Variants in GABBR2 observed in about 807,000 individuals in gnomAD.
The protein encoded by GABBR2 is G-protein coupled receptor 51.
Under a neutral mutation model 105.6 loss-of-function variants are expected in GABBR2, and 23 were observed. The observed-to-expected ratio is 0.22, with a 90% confidence interval of 0.16 to 0.31. GABBR2 has a LOEUF of 0.31. Ranked by LOEUF, GABBR2 falls within the 10% of genes least tolerant of loss-of-function variation. The pLI, the probability that GABBR2 is intolerant of heterozygous loss-of-function variation, is 1.00. For synonymous variants in GABBR2, 478 were observed against 499.7 expected (o/e 0.96, Z 0.58); for missense variants, 734 against 1,245.5 (o/e 0.59, Z 6.18).
At chr9:98,606,091 C>A (rs150522961) in intron 1 of GABBR2, among the ~76,000 whole-genome samples, 2 of 152,286 alleles carry the variant, frequency 1.3e-5, no homozygotes, top group East Asian at 3.9e-4. Flanking sequence ...ATGTCCCTAC[C>A]AAAGACATGA....
At chr9:98,572,811 C>T (rs924806093) in intron 2 of GABBR2, among the ~76,000 whole-genome samples, 2 of 152,190 alleles carry the variant, frequency 1.3e-5, no homozygotes, top group East Asian at 3.8e-4. Context: ...CATTCTGCCT[C>T]CCAGGTCCTC....
chr9:98,559,996 T>TCA (rs1234733126), intron 2 of GABBR2, among the ~76,000 whole-genome samples: 1 of 111,008 alleles, frequency 9.0e-6, no homozygotes, highest in Non-Finnish European at 1.9e-5. Context: ...ACACACACAC[T>TCA]CACACACACA....
At chr9:98,480,546 A>C (rs1040756662) in intron 5 of GABBR2, among the ~76,000 whole-genome samples, 1 of 152,190 alleles carries the variant, frequency 6.6e-6, no homozygotes, top group Non-Finnish European at 1.5e-5. Context: ...AGGATTCAGG[A>C]GGAGAAAATC....
chr9:98,579,873 T>C (rs1828975204), intron 1 of GABBR2, among the ~76,000 whole-genome samples: 1 of 152,184 alleles, frequency 6.6e-6, no homozygotes, highest in Non-Finnish European at 1.5e-5. Flanking sequence ...TTTTAGAGGA[T>C]TGCAAAATGT....
intron 11 of GABBR2, chr9:98,375,203 T>A (rs1361252925): frequency 1.3e-5 from 2 of 152,336 alleles, no homozygotes; most frequent in Non-Finnish European, 2.9e-5. Flanking sequence ...TCCCCTCACA[T>A]CACACTGGCT....
chr9:98,530,143 G>A (rs118139970), intron 3 of GABBR2, among the ~76,000 whole-genome samples: 238 of 152,316 alleles, frequency 1.6e-3, no homozygotes, highest in Non-Finnish European at 2.5e-3. Context: ...CAGAAACAAC[G>A]TGTCCCGGGA....
Position 98,328,465 on chromosome 9 carries a change from C to T in GABBR2, c.1894-17260G>A, listed in dbSNP as rs567746852. Among the ~76,000 whole-genome samples the T allele has an allele frequency of 5.3e-5, 8 of 152,200 alleles. No homozygotes were observed. In the East Asian group the frequency reaches 9.7e-4, roughly 18 times the overall value. ...CCCTTTTAGAAATGGGAACTGGGCC[C>T]GCATATGCCAATGAGCAAGGCAAAA... On this transcript the variant is annotated intron_variant, in intron 13 of 18. Coordinates refer to ENST00000259455, the MANE Select transcript of GABBR2 (RefSeq NM_005458.8).
intron 1 of GABBR2, among the ~76,000 whole-genome samples, chr9:98,617,546 A>G (rs1369707687): frequency 2.6e-5 from 4 of 152,160 alleles, no homozygotes; most frequent in Non-Finnish European, 4.4e-5. Context: ...ATTGCTGTGG[A>G]CCACACAAAA....
intron 3 of GABBR2, among the ~76,000 whole-genome samples, chr9:98,540,422 G>C (rs1181254146): frequency 6.6e-6 from 1 of 152,220 alleles, no homozygotes; most frequent in Non-Finnish European, 1.5e-5. Context: ...GAAGCTCAGA[G>C]AAGCAAGGTA....
chr9:98,542,011 G>A lies in GABBR2; in HGVS notation c.492C>T (p.Ala164=), dbSNP rs533637833. The change falls in exon 3 of 19, where the codon GCC becomes GCT. Residue 164 remains alanine, a synonymous_variant. Transcript: ENST00000259455. Reference sequence around the variant, plus strand: ...AGAAATAAGGGTATTTTTTCTTATCGGCTAGAACAGGCGTGGTTGCAGCAA... The same window carrying A: ...AGAAATAAGGGTATTTTTTCTTATCAGCTAGAACAGGCGTGGTTGCAGCAA... The part of the protein sequence containing the change: ...LSFAATTPVL[A]DKKKYPYFFR... 3.1e-6 allele frequency: 5 copies of A among 1,613,954 alleles called. No homozygotes were observed. Among genetic ancestry groups the A allele is most frequent in the East Asian group, 2.2e-5 (1 of 44,874 alleles).
Position 98,561,648 on chromosome 9 carries a change from C to T in GABBR2, c.459+16287G>A, listed in dbSNP as rs369011333. Among the ~76,000 whole-genome samples, 6 of 152,222 alleles carry T rather than the reference C, an allele frequency of 3.9e-5. No homozygotes were observed. The South Asian group carries it at 1.0e-3, about 26-fold the overall frequency. ...TATAACCCCAGCACTTCGGGAAGGC[C>T]GAGGCAGGAGGCTCGATTGAGCCTA... On this transcript the variant is annotated intron_variant, in intron 2 of 18. Coordinates refer to ENST00000259455, the MANE Select transcript of GABBR2 (RefSeq NM_005458.8).
chr9:98,375,411 A>G (rs914452819), intron 11 of GABBR2: 4 of 152,148 alleles, frequency 2.6e-5, no homozygotes, highest in Admixed American at 2.6e-4. Flanking sequence ...TCTGCTGGTC[A>G]CACAGAGATG....
chr9:98,327,109 T>A (rs1830937286), intron 13 of GABBR2, among the ~76,000 whole-genome samples: 1 of 152,268 alleles, frequency 6.6e-6, no homozygotes, highest in Non-Finnish European at 1.5e-5. Context: ...ATTCAGATTT[T>A]ATGCCTGAGT....
chr9:98,701,875 T>C (rs1213440972), intron 1 of GABBR2, among the ~76,000 whole-genome samples: 1 of 152,128 alleles, frequency 6.6e-6, no homozygotes, highest in Non-Finnish European at 1.5e-5. Context: ...GACTTATTCC[T>C]TATAACAGCC....
intron 18 of GABBR2, among the ~76,000 whole-genome samples, chr9:98,291,273 C>T (rs1830299124): frequency 6.6e-6 from 1 of 152,208 alleles, no homozygotes; most frequent in Non-Finnish European, 1.5e-5. Context: ...GAATACTGTA[C>T]TGAATGTGTA....
chr9:98,307,988 C>T (rs1588092083), intron 14 of GABBR2, among the ~76,000 whole-genome samples: 1 of 152,172 alleles, frequency 6.6e-6, no homozygotes, highest in South Asian at 2.1e-4. Flanking sequence ...AATCCCAGCA[C>T]TTTGGGAGGC....
chr9:98,398,747 C>G (rs924662901), intron 8 of GABBR2, among the ~76,000 whole-genome samples: 12 of 152,216 alleles, frequency 7.9e-5, no homozygotes, highest in African/African-American at 2.2e-4. Context: ...CTCTCCCTCT[C>G]CCAGCATTAC....
At chr9:98,496,157 C>A in intron 4 of GABBR2, 1 of 502,394 alleles carries the variant, frequency 2.0e-6, no homozygotes, top group Non-Finnish European at 3.6e-6. Flanking sequence ...CCTGAGGCTG[C>A]GTTGAGAGAT....
chr9:98,559,978 A>ACG (rs534881592), intron 2 of GABBR2, among the ~76,000 whole-genome samples: 57 of 144,024 alleles, frequency 4.0e-4, no homozygotes, highest in African/African-American at 1.4e-3. Context: ...AGGAACAAAC[A>ACG]CACACACACA....
Sources: allele counts gnomAD v4.1 joint callset (sites outside exome capture counted in the v4.1 genomes callset), GRCh38; gene constraint gnomAD v4.1.1; transcripts MANE v1.5; gene names NCBI Gene and HGNC (gene_info 2026-07-23, HGNC 2026-07-21).